Variants in AGO3 observed in about 807,000 individuals in gnomAD.
The protein encoded by AGO3 is protein argonaute-3.
A neutral mutation model predicts 105.5 loss-of-function variants in AGO3; 16 were observed. The observed-to-expected ratio is 0.15, with a 90% CI of 0.10 to 0.23. AGO3 has a LOEUF of 0.23. Ranked by LOEUF, AGO3 falls within the 10% of genes least tolerant of loss-of-function variation. The probability of loss-of-function intolerance (pLI) is 1.00; values close to 1 mark genes in which losing one functional copy is unlikely to be tolerated. For missense variants in AGO3, 534 were observed against 1,088.0 expected (o/e 0.49, Z 7.16); for synonymous variants, 340 against 367.3 (o/e 0.93, Z 0.85).
At chr1:35,992,436 A>G (rs990852209) in intron 5 of AGO3, 8 of 151,984 alleles carry the variant, frequency 5.3e-5, no homozygotes, top group African/African-American at 1.9e-4. Flanking sequence ...TTTATCACCA[A>G]CTTGCTCACT....
chr1:36,002,706 A>G (rs1640145840), intron 5 of AGO3, among the ~76,000 whole-genome samples: 1 of 152,036 alleles, frequency 6.6e-6, no homozygotes, highest in African/African-American at 2.4e-5. Context: ...ACTACTGTTA[A>G]AGCTTTGAAA....
intron 5 of AGO3, among the ~76,000 whole-genome samples, chr1:35,990,144 G>T (rs1225615470): frequency 1.3e-5 from 2 of 152,122 alleles, no homozygotes; most frequent in Non-Finnish European, 2.9e-5. Context: ...CTTTAACATA[G>T]CTCTGTACTG....
intron 6 of AGO3, among the ~76,000 whole-genome samples, chr1:36,006,024 G>T (rs1640317767): frequency 6.6e-6 from 1 of 151,726 alleles, no homozygotes; most frequent in South Asian, 2.1e-4. Flanking sequence ...AGGTATTTAT[G>T]ATCCTAGTTT....
intron 2 of AGO3, among the ~76,000 whole-genome samples, chr1:35,956,681 C>G (rs898623423): frequency 8.0e-5 from 12 of 149,934 alleles, no homozygotes; most frequent in African/African-American, 2.7e-4. Context: ...CGCTCTGTCG[C>G]CCAGGTTGGA....
intron 3 of AGO3, among the ~76,000 whole-genome samples, chr1:35,968,965 T>A (rs1386414126): frequency 1.3e-5 from 2 of 152,056 alleles, no homozygotes; most frequent in Non-Finnish European, 2.9e-5. Context: ...GATATCTCAT[T>A]GTGGTTTTGA....
chr1:36,057,309 C>CA lies in AGO3; in HGVS notation c.*1565dup, dbSNP rs1158150272. 1 of 151,816 alleles carries CA rather than the reference C, an allele frequency of 6.6e-6. No individual in the cohort carries two copies. The highest frequency in any genetic ancestry group is 1.5e-5 in the Non-Finnish European group (1 of 67,972). The allele number at this position is 151,816 out of a possible 1,614,324, so 9.4% of individuals were successfully genotyped here. A position where few individuals can be genotyped will look rare whatever the true frequency, so the allele number is the denominator to read the frequency against. Reference sequence around the variant, plus strand: ...TTTTGATAGTTTACTTGCTGCCTCTCATACCTTAATGTGATTTTCATATAT... The same window carrying CA: ...TTTTGATAGTTTACTTGCTGCCTCTCAATACCTTAATGTGATTTTCATATAT... On this transcript the variant is annotated 3_prime_UTR_variant, in exon 19 of 19. Coordinates refer to ENST00000373191, the MANE Select transcript of AGO3 (RefSeq NM_024852.4).
intron 5 of AGO3, among the ~76,000 whole-genome samples, chr1:35,984,826 C>T (rs1403615794): frequency 6.6e-6 from 1 of 152,126 alleles, no homozygotes; most frequent in Non-Finnish European, 1.5e-5. Flanking sequence ...TATGTGATAT[C>T]TTAGCTGAGC....
At chr1:35,983,885 G>C (rs1050348232) in intron 5 of AGO3, among the ~76,000 whole-genome samples, 1 of 152,166 alleles carries the variant, frequency 6.6e-6, no homozygotes, top group Non-Finnish European at 1.5e-5. Context: ...GGAACATATA[G>C]ATAGACATAT....
chr1:35,992,055 T>C (rs1647715750), intron 5 of AGO3: 1 of 152,164 alleles, frequency 6.6e-6, no homozygotes, highest in African/African-American at 2.4e-5. Flanking sequence ...GATCCTTAGG[T>C]CTCTTCTCTT....
intron 11 of AGO3, 116 bp from the exon 12 acceptor site, chr1:36,026,998 A>G (rs1420946847): frequency 2.5e-6 from 3 of 1,215,006 alleles, no homozygotes; most frequent in Middle Eastern, 2.1e-4. Context: ...CCTCTCATAT[A>G]TGAAGCACAC....
Position 36,008,623 on chromosome 1 carries a change from G to C in AGO3, c.794-67G>C. 6.7e-7 allele frequency: 1 copy of C among 1,484,426 alleles called. No homozygotes were observed. The highest frequency in any genetic ancestry group is 9.3e-7 in the Non-Finnish European group (1 of 1,073,568). The allele number at this position is 1,484,426 out of a possible 1,614,324, so 92.0% of individuals were successfully genotyped here. A position where few individuals can be genotyped will look rare whatever the true frequency, so the allele number is the denominator to read the frequency against. Reference sequence around the variant, plus strand: ...AATTGAGTTTTTATGGTAATGAACAGGCTTTATAAGTATAAATATTTTACA... The same window carrying C: ...AATTGAGTTTTTATGGTAATGAACACGCTTTATAAGTATAAATATTTTACA... On this transcript the variant is annotated intron_variant, in intron 6 of 18. Coordinates refer to ENST00000373191, the MANE Select transcript of AGO3 (RefSeq NM_024852.4). This position sits in a 1 kb window ranked among gnomAD's most constrained non-coding sequence, Gnocchi z 5.1.
intron 2 of AGO3, among the ~76,000 whole-genome samples, chr1:35,965,654 C>T (rs709308): frequency 0.97 from 147,825 of 152,000 alleles, 71,913 homozygotes; most frequent in East Asian, 1. Context: ...AGGCTTGATA[C>T]TGTTTTCAGT....
chr1:36,039,393 C>T lies in AGO3; in HGVS notation c.1843-397C>T, dbSNP rs533375137. ...CCTGTAGTCCCAGCTACTCTGGAGG[C>T]TGAGGCAGGAGAATCGCTTGAACCC... On this transcript the variant is annotated intron_variant, in intron 14 of 18. Coordinates refer to ENST00000373191, the MANE Select transcript of AGO3 (RefSeq NM_024852.4). Among the ~76,000 whole-genome samples, 4 of 149,210 alleles carry T rather than the reference C, an allele frequency of 2.7e-5. No individual in the cohort carries two copies. The East Asian group carries it at 8.1e-4, about 30-fold the overall frequency.
chr1:35,945,696 C>A lies in AGO3; in HGVS notation c.24C>A (p.Pro8=). 6.2e-7 allele frequency: 1 copy of A among 1,611,094 alleles called. No homozygotes were observed. Among genetic ancestry groups the A allele is most frequent in the South Asian group, 1.1e-5 (1 of 90,724 alleles). The change falls in exon 2 of 19, where the codon CCC becomes CCA. Residue 8 remains proline, a synonymous_variant. Coordinates refer to ENST00000373191, the MANE Select transcript of AGO3 (RefSeq NM_024852.4). MEIGSAG[P]AGAQPLLMVP... is the part of the protein sequence containing the mutation. ...TTTTTCCCTTTCCCCTGGCAGGACC[C>A]GCTGGGGCCCAGCCCCTACTCATGG...
intron 5 of AGO3, among the ~76,000 whole-genome samples, chr1:36,001,371 T>TA (rs1453014883): frequency 6.6e-6 from 1 of 152,184 alleles, no homozygotes; most frequent in Non-Finnish European, 1.5e-5. Flanking sequence ...TTTGTAATAG[T>TA]AAAAAACAAC....
chr1:36,032,323 T>G (rs1429663230), intron 12 of AGO3, among the ~76,000 whole-genome samples: 2 of 152,180 alleles, frequency 1.3e-5, no homozygotes, highest in African/African-American at 4.8e-5. Flanking sequence ...ACGTTGGGCA[T>G]CTTTTCATGT....
At chr1:36,026,696 C>T (rs1641520786) in intron 11 of AGO3, among the ~76,000 whole-genome samples, 3 of 152,114 alleles carry the variant, frequency 2.0e-5, no homozygotes, top group Admixed American at 1.3e-4. Context: ...GGATGGTGTG[C>T]TAAGTGCTTT....
intron 5 of AGO3, among the ~76,000 whole-genome samples, chr1:35,995,198 C>CT (rs1201672638): frequency 3.8e-5 from 3 of 79,566 alleles, no homozygotes; most frequent in African/African-American, 7.4e-5. Context: ...AAGACACTGT[C>CT]TAAAAAAAAA....
At chr1:36,036,896 A>G (rs1474517243) in intron 14 of AGO3, among the ~76,000 whole-genome samples, 1 of 151,898 alleles carries the variant, frequency 6.6e-6, no homozygotes. Context: ...GGGCTTCACC[A>G]TGTTGGCCAG....
Sources: gnomAD v4.1 joint callset for allele counts (sites outside exome capture counted in the v4.1 genomes callset) on GRCh38, gnomAD v4.1.1 for gene constraint, Gnocchi (gnomAD v3.1) non-coding constraint, MANE v1.5 for transcripts, NCBI Gene and HGNC (gene_info 2026-07-23, HGNC 2026-07-21) for gene names.